UFD1: variants seen among roughly 807,000 people sequenced by gnomAD.
UFD1 encodes the protein ubiquitin recognition factor in ER-associated degradation protein 1.
A neutral mutation model predicts 45.9 loss-of-function variants in UFD1; 13 were observed. That is an observed-to-expected ratio of 0.28 (90% CI 0.18 to 0.45). The LOEUF (loss-of-function observed/expected upper bound fraction) is 0.45, where lower values mean the gene tolerates loss of function less well. UFD1 is among the 20% of genes least tolerant of loss of function. The pLI is 1.00. For missense variants in UFD1, 218 were observed against 389.2 expected (o/e 0.56, Z 3.70); for synonymous variants, 128 against 139.2 (o/e 0.92, Z 0.56).
chr22:19,476,781 T>C (rs1000687103), intron 1 of UFD1, among the ~76,000 whole-genome samples: 1 of 151,924 alleles, frequency 6.6e-6, no homozygotes, highest in Non-Finnish European at 1.5e-5. Flanking sequence ...CAGAGGCAGG[T>C]GGATTACCTG....
chr22:19,462,120 C>A (rs544679799), intron 6 of UFD1, among the ~76,000 whole-genome samples: 1 of 152,124 alleles, frequency 6.6e-6, no homozygotes, highest in South Asian at 2.1e-4. Context: ...CCACTTCAGC[C>A]TCCCAGGTAG....
At chr22:19,460,872 A>C (rs1242830188) in intron 6 of UFD1, among the ~76,000 whole-genome samples, 1 of 151,546 alleles carries the variant, frequency 6.6e-6, no homozygotes, top group Non-Finnish European at 1.5e-5. Context: ...CAGCCTCCTG[A>C]ATAGCTGTAA....
chr22:19,457,826 T>C (rs1372814122), intron 7 of UFD1, among the ~76,000 whole-genome samples: 2 of 151,680 alleles, frequency 1.3e-5, no homozygotes, highest in Non-Finnish European at 2.9e-5. Flanking sequence ...AAAAAAAGAA[T>C]ATTCACTCCT....
rs774225283 is a variant in UFD1, at chr22:19,465,279, A to G, written c.423-5T>C. Reference sequence around the variant, plus strand: ...TTCCTAAGTGCGTTTTCTAATCTGCAGACACATTCTGTCAAGGCAACATGG... The same window carrying G: ...TTCCTAAGTGCGTTTTCTAATCTGCGGACACATTCTGTCAAGGCAACATGG... On this transcript the variant is annotated splice_polypyrimidine_tract_variant and splice_region_variant and intron_variant, in intron 5 of 11. Coordinates refer to ENST00000263202, the MANE Select transcript of UFD1 (RefSeq NM_005659.7). 3 of 1,614,022 alleles carry G rather than the reference A, an allele frequency of 1.9e-6. No individual in the cohort carries two copies. The highest frequency in any genetic ancestry group is 2.5e-6 in the Non-Finnish European group (3 of 1,179,886).
At chr22:19,456,379 C>CT (rs141641347) in intron 9 of UFD1, 25,615 of 641,338 alleles carry the variant, frequency 0.04, 1,018 homozygotes, top group South Asian at 0.13. Context: ...TCTGGGCTGC[C>CT]TTATGGGGCT....
At chr22:19,469,262 T>C (rs1446396775) in intron 4 of UFD1, among the ~76,000 whole-genome samples, 3 of 152,122 alleles carry the variant, frequency 2.0e-5, no homozygotes, top group Non-Finnish European at 4.4e-5. Context: ...GCACTGTCCC[T>C]GGGTAGATTT....
chr22:19,450,969 C>G (rs920917095), intron 11 of UFD1: 26 of 1,211,146 alleles, frequency 2.1e-5, no homozygotes, highest in Non-Finnish European at 2.7e-5. Context: ...GATCCCATCT[C>G]TACCAAAAAT....
chr22:19,458,470 A>T (rs917359458), intron 6 of UFD1, among the ~76,000 whole-genome samples: 2 of 152,056 alleles, frequency 1.3e-5, no homozygotes, highest in Admixed American at 6.5e-5. Flanking sequence ...TTTAGACAGA[A>T]TCTCGCTCTA....
At chr22:19,470,505 G>A (rs896159199) in intron 4 of UFD1, among the ~76,000 whole-genome samples, 1 of 151,302 alleles carries the variant, frequency 6.6e-6, no homozygotes, top group African/African-American at 2.4e-5. Flanking sequence ...GCAATGGCAT[G>A]ATCTCGGCTC....
intron 4 of UFD1, among the ~76,000 whole-genome samples, chr22:19,468,807 A>G (rs1216369458): frequency 6.6e-6 from 1 of 152,210 alleles, no homozygotes; most frequent in Non-Finnish European, 1.5e-5. Context: ...ACCCAGTCCC[A>G]AGCCACATTA....
At chr22:19,472,222 C>T (rs1282432764) in intron 3 of UFD1, among the ~76,000 whole-genome samples, 1 of 152,104 alleles carries the variant, frequency 6.6e-6, no homozygotes, top group Admixed American at 6.5e-5. Context: ...GGGCTAGGCT[C>T]CTAGAGGCCG....
chr22:19,456,942 T>C (rs1410931804), intron 7 of UFD1, 24 bp from the exon 8 acceptor site: 2 of 1,508,572 alleles, frequency 1.3e-6, no homozygotes, highest in African/African-American at 2.8e-5. Flanking sequence ...ATTTTAAAAG[T>C]AAAATATTGA....
At chr22:19,461,689 T>C (rs1330096386) in intron 6 of UFD1, among the ~76,000 whole-genome samples, 3 of 152,214 alleles carry the variant, frequency 2.0e-5, no homozygotes, top group Non-Finnish European at 4.4e-5. Context: ...TTAGAATATC[T>C]AAGAGCAATT....
At chr22:19,462,766 T>C (rs2089776982) in intron 6 of UFD1, among the ~76,000 whole-genome samples, 2 of 152,206 alleles carry the variant, frequency 1.3e-5, no homozygotes, top group African/African-American at 4.8e-5. Flanking sequence ...CTGCTTTATA[T>C]GGCAACATTT....
Position 19,471,899 on chromosome 22 carries a change from T to A in UFD1, c.170-91A>T. ...TCCCATAGAAGGAGCCTCCCCACAATCCTGCCCTCAACCCCACACTCCTCT... is the reference window on the plus strand; with the variant it reads ...TCCCATAGAAGGAGCCTCCCCACAAACCTGCCCTCAACCCCACACTCCTCT... On this transcript the variant is annotated intron_variant, in intron 3 of 11. Coordinates refer to ENST00000263202, the MANE Select transcript of UFD1 (RefSeq NM_005659.7). The A allele has an allele frequency of 2.0e-6, 3 of 1,525,006 alleles. No homozygotes were observed. In the African/African-American group the frequency reaches 4.1e-5, roughly 21 times the overall value. 94.5% of individuals were successfully genotyped at this position (1,525,006 alleles called of 1,614,324 possible). A position where few individuals can be genotyped will look rare whatever the true frequency, so the allele number is the denominator to read the frequency against.
chr22:19,451,787 G>T (rs2089684898), intron 11 of UFD1: 2 of 985,404 alleles, frequency 2.0e-6, no homozygotes, highest in South Asian at 9.4e-5. Flanking sequence ...AGCTGTGTTT[G>T]GCTTCTTCCT....
At chr22:19,476,610 C>T (rs1029743258) in intron 1 of UFD1, among the ~76,000 whole-genome samples, 1 of 129,162 alleles carries the variant, frequency 7.7e-6, no homozygotes, top group Non-Finnish European at 1.6e-5. Context: ...TACATTCCAA[C>T]ATCCCCAGTG....
rs937697349 is a variant in UFD1 at position 19,474,502 on chromosome 22, C to T, written c.169+566G>A. Among the ~76,000 whole-genome samples the T allele has an allele frequency of 2.0e-5, 3 of 151,996 alleles. No homozygotes were observed. In the East Asian group the frequency reaches 5.8e-4, roughly 29 times the overall value. Reference sequence around the variant, plus strand: ...CAGAGGTTGCAGTGAGCCAAGATTGCGCCACTGCACTCCAGCCTGGGCGCT... The same window carrying T: ...CAGAGGTTGCAGTGAGCCAAGATTGTGCCACTGCACTCCAGCCTGGGCGCT... On this transcript the variant is annotated intron_variant, in intron 3 of 11. Transcript: ENST00000263202.
intron 4 of UFD1, 173 bp downstream of exon 4, chr22:19,471,514 A>G (rs1791680046): frequency 9.6e-7 from 1 of 1,039,788 alleles, no homozygotes; most frequent in Non-Finnish European, 1.5e-6. Context: ...ACCAGCCCGC[A>G]TAAGGCACAG....
Sources: gnomAD v4.1 joint callset for allele counts (sites outside exome capture counted in the v4.1 genomes callset) on GRCh38, gnomAD v4.1.1 for gene constraint, MANE v1.5 for transcripts, NCBI Gene and HGNC (gene_info 2026-07-23, HGNC 2026-07-21) for gene names.